Variants in RPAP2 observed in about 807,000 individuals in gnomAD.
RPAP2 encodes RNA polymerase II associated protein 2, also known as putative RNA polymerase II subunit B1 CTD phosphatase RPAP2.
A neutral mutation model predicts 73.1 loss-of-function variants in RPAP2; 52 were observed. That is an observed-to-expected ratio of 0.71 (90% confidence interval 0.57 to 0.90). The LOEUF (loss-of-function observed/expected upper bound fraction) is 0.90, where lower values mean the gene tolerates loss of function less well. Among genes scored for constraint, RPAP2 ranks in the 40% least tolerant of loss-of-function variants. The probability of loss-of-function intolerance (pLI) is 0.00; values close to 1 mark genes in which losing one functional copy is unlikely to be tolerated. For synonymous variants in RPAP2, 225 were observed against 242.1 expected (o/e 0.93, Z 0.65); for missense variants, 598 against 701.8 (o/e 0.85, Z 1.67).
At chr1:92,319,125 T>A (rs1396129027) in intron 6 of RPAP2, among the ~76,000 whole-genome samples, 1 of 152,234 alleles carries the variant, frequency 6.6e-6, no homozygotes, top group African/African-American at 2.4e-5. Flanking sequence ...TGCCTTTATA[T>A]ACAGACTGTA....
At chr1:92,351,981 G>T (rs1347335137) in intron 11 of RPAP2, among the ~76,000 whole-genome samples, 2 of 152,036 alleles carry the variant, frequency 1.3e-5, no homozygotes, top group African/African-American at 4.8e-5. Flanking sequence ...GAATTATTTG[G>T]TTATCCAATG....
At position 92,299,093 on chromosome 1, in the gene RPAP2, C is replaced by A. The variant is rs371177251; in HGVS notation, c.20C>A (p.Pro7Gln). 42 of 1,518,440 alleles carry A rather than the reference C, an allele frequency of 2.8e-5. No homozygotes were observed. Among genetic ancestry groups the A allele is most frequent in the Non-Finnish European group, 3.5e-5 (40 of 1,129,784 alleles). 94.1% of individuals were successfully genotyped at this position (1,518,440 alleles called of 1,614,324 possible). ...TCCCCCATGGCGGACTTCGCTGGGC[C>A]GTCTTCTGCCGGCCGCAAGGCCGGG... The part of the protein sequence containing the change: MADFAG[P>Q]SSAGRKAGAP... The change falls in exon 1 of 13, where the codon CCG becomes CAG. Residue 7 changes from proline to glutamine, a missense_variant. By Grantham distance (76) the Pro-to-Gln change is moderately conservative. Around this residue, in one of 3 missense-constraint regions of RPAP2, gnomAD observed 77 missense variants for 55.7 expected, o/e 1.38. Coordinates refer to ENST00000610020, the MANE Select transcript of RPAP2 (RefSeq NM_024813.3).
chr1:92,357,271 A>T (rs753833349), intron 11 of RPAP2, among the ~76,000 whole-genome samples: 2 of 152,196 alleles, frequency 1.3e-5, no homozygotes, highest in Non-Finnish European at 2.9e-5. Flanking sequence ...AGTAGCTACA[A>T]TAAAAAATTG....
Position 92,383,309 on chromosome 1 carries a change from G to A in RPAP2, c.1838+2436G>A, listed in dbSNP as rs1358437574. The stretch of plus-strand genomic sequence containing the variant: ...AGTTTTTTCCAATTCTGTGAAGAAA[G>A]TCATTGGTAGCTTTATGGGGATGGC... On this transcript the variant is annotated intron_variant, in intron 12 of 12. Transcript: ENST00000610020. 2.0e-5 allele frequency among the ~76,000 whole-genome samples: 3 copies of A among 152,124 alleles called. 1 individual carries two copies. The highest frequency in any genetic ancestry group is 4.4e-5 in the Non-Finnish European group (3 of 68,000).
chr1:92,324,838 T>C (rs552361468), intron 8 of RPAP2, among the ~76,000 whole-genome samples: 20 of 152,164 alleles, frequency 1.3e-4, no homozygotes, highest in Non-Finnish European at 2.6e-4. Flanking sequence ...TCAAAATAGT[T>C]TGTAAAAGAG....
At chr1:92,362,886 G>GA (rs969573567) in intron 11 of RPAP2, among the ~76,000 whole-genome samples, 1 of 151,972 alleles carries the variant, frequency 6.6e-6, no homozygotes, top group Non-Finnish European at 1.5e-5. Context: ...TTTCAGTGCA[G>GA]AAAAAAATGT....
intron 12 of RPAP2, 85 bp from the exon 13 acceptor site, chr1:92,386,926 T>G: frequency 1.8e-6 from 2 of 1,099,836 alleles, no homozygotes; most frequent in Non-Finnish European, 2.6e-6. Context: ...CTGGCCAGGT[T>G]GGTCTCAAAC....
chr1:92,309,922 G>C (rs1279199701), intron 6 of RPAP2, among the ~76,000 whole-genome samples: 1 of 152,184 alleles, frequency 6.6e-6, no homozygotes, highest in Non-Finnish European at 1.5e-5. Flanking sequence ...AAATGTTTTT[G>C]AGCAGAATTT....
chr1:92,315,895 C>T (rs1419514507), intron 6 of RPAP2, among the ~76,000 whole-genome samples: 1 of 152,154 alleles, frequency 6.6e-6, no homozygotes, highest in African/African-American at 2.4e-5. Flanking sequence ...TGGTCTGGGT[C>T]GTGACGCACT....
intron 11 of RPAP2, among the ~76,000 whole-genome samples, chr1:92,373,515 A>C (rs1655240636): frequency 6.6e-6 from 1 of 152,038 alleles, no homozygotes; most frequent in South Asian, 2.1e-4. Flanking sequence ...GTTCCTTTAG[A>C]TTTCTCATCT....
chr1:92,345,398 AAAAGAG>A (rs1016208322), intron 10 of RPAP2, among the ~76,000 whole-genome samples: 1 of 146,902 alleles, frequency 6.8e-6, no homozygotes, highest in African/African-American at 2.5e-5. Context: ...AAAAAAAAAA[AAAAGAG>A]AGAGAGAGAA....
chr1:92,328,257 CT>C (rs1380100190), intron 8 of RPAP2, among the ~76,000 whole-genome samples: 1 of 152,120 alleles, frequency 6.6e-6, no homozygotes, highest in East Asian at 1.9e-4. Flanking sequence ...GTTTTCCAAA[CT>C]TTTAGATTTC....
intron 11 of RPAP2, among the ~76,000 whole-genome samples, chr1:92,377,464 G>A (rs992524801): frequency 1.4e-5 from 2 of 147,364 alleles, no homozygotes; most frequent in Non-Finnish European, 3.0e-5. Context: ...GTTGCAGTGA[G>A]CCAAGATCGT....
rs761918272 is a variant in RPAP2, at chr1:92,387,062, G to A, written c.*51G>A. ...GATGAACTTCTATTCACCGTTTCTG[G>A]AATTCTAGCCGCCATGATGGTCTGG... On this transcript the variant is annotated 3_prime_UTR_variant, in exon 13 of 13. Transcript: ENST00000610020. The A allele has an allele frequency of 5.8e-6, 9 of 1,556,082 alleles. No individual in the cohort carries two copies. In the South Asian group the frequency reaches 1.1e-4, roughly 18 times the overall value.
At chr1:92,344,218 T>C (rs536062963) in intron 10 of RPAP2, among the ~76,000 whole-genome samples, 7 of 152,290 alleles carry the variant, frequency 4.6e-5, no homozygotes, top group African/African-American at 1.4e-4. Context: ...GAGATCAGCC[T>C]GGGCAACATA....
At chr1:92,379,316 T>C (rs892269445) in intron 11 of RPAP2, among the ~76,000 whole-genome samples, 2 of 152,176 alleles carry the variant, frequency 1.3e-5, no homozygotes, top group African/African-American at 4.8e-5. Flanking sequence ...GTAAAACTAT[T>C]TGGGGAGAAA....
intron 11 of RPAP2, among the ~76,000 whole-genome samples, chr1:92,361,159 G>C (rs71650488): frequency 6.7e-6 from 1 of 148,962 alleles, no homozygotes; most frequent in African/African-American, 2.5e-5. Flanking sequence ...ACACACACAC[G>C]TAAGTTTCTA....
intron 11 of RPAP2, among the ~76,000 whole-genome samples, chr1:92,348,475 C>T (rs1359282347): frequency 6.6e-6 from 1 of 152,188 alleles, no homozygotes; most frequent in Non-Finnish European, 1.5e-5. Flanking sequence ...TCTAGGCCTT[C>T]CTTGCAGATT....
chr1:92,324,734 G>GT (rs1318754343), intron 8 of RPAP2, among the ~76,000 whole-genome samples: 1 of 152,158 alleles, frequency 6.6e-6, no homozygotes, highest in Non-Finnish European at 1.5e-5. Flanking sequence ...TGGGGTCTGT[G>GT]TGTGTGTGTT....
Sources: allele counts gnomAD v4.1 joint callset (sites outside exome capture counted in the v4.1 genomes callset), GRCh38; gene constraint gnomAD v4.1.1; regional missense constraint gnomAD v4.1.1; transcripts MANE v1.5; gene names NCBI Gene and HGNC (gene_info 2026-07-23, HGNC 2026-07-21).